ACYP2: variants seen among roughly 807,000 people sequenced by gnomAD.
ACYP2 encodes the protein acylphosphatase 2, also known as acylphosphatase-2.
ACYP2 carries 12 observed loss-of-function variants against 11.2 expected under a neutral mutation model. The observed-to-expected ratio is 1.08, with a 90% CI of 0.69 to 1.74. The LOEUF is 1.74. ACYP2 is among the 40% of genes most tolerant of loss of function. The pLI is 0.00. For synonymous variants in ACYP2, 43 were observed against 32.2 expected (o/e 1.33, Z -1.13); for missense variants, 134 against 101.9 (o/e 1.31, Z -1.35).
At chr2:54,129,137 C>T (rs530746280) in intron 4 of ACYP2, among the ~76,000 whole-genome samples, 2 of 152,100 alleles carry the variant, frequency 1.3e-5, no homozygotes, top group African/African-American at 4.8e-5. Flanking sequence ...CATGATGCAG[C>T]TAACATGATG....
At chr2:53,991,404 T>C (rs2104518755) in intron 2 of ACYP2, among the ~76,000 whole-genome samples, 1 of 150,610 alleles carries the variant, frequency 6.6e-6, no homozygotes, top group Admixed American at 6.6e-5. Flanking sequence ...TGTGTAACTT[T>C]TTTTTCTTTT....
At chr2:54,064,772 C>T (rs1676651256) in intron 4 of ACYP2, among the ~76,000 whole-genome samples, 1 of 152,108 alleles carries the variant, frequency 6.6e-6, no homozygotes, top group South Asian at 2.1e-4. Flanking sequence ...TTTCAGACTG[C>T]ATTAAGGAGG....
Position 54,224,977 on chromosome 2 carries a change from T to C in ACYP2, c.405-79711T>C, listed in dbSNP as rs541996726. Among the ~76,000 whole-genome samples the C allele has an allele frequency of 3.3e-5, 5 of 152,350 alleles. No homozygotes were observed. In the East Asian group the frequency reaches 9.6e-4, roughly 29 times the overall value. ...GTTGCTCTTAAATTCATTCCAGCAG[T>C]ATGGCTGGAAATGAATAATCTTCAA... On this transcript the variant is annotated intron_variant, in intron 6 of 6. Transcript: ENST00000607452.
At chr2:54,180,002 A>T (rs1683636898) in intron 6 of ACYP2, among the ~76,000 whole-genome samples, 1 of 152,126 alleles carries the variant, frequency 6.6e-6, no homozygotes, top group South Asian at 2.1e-4. Flanking sequence ...CTTCTGACCA[A>T]CTGACTGGCT....
At chr2:54,233,351 A>C (rs925863720) in intron 6 of ACYP2, among the ~76,000 whole-genome samples, 1 of 149,742 alleles carries the variant, frequency 6.7e-6, no homozygotes. Flanking sequence ...CTGTGGCCCA[A>C]GCTGGAGTGC....
At chr2:54,137,771 A>C (rs928291359) in intron 5 of ACYP2, among the ~76,000 whole-genome samples, 2 of 152,140 alleles carry the variant, frequency 1.3e-5, no homozygotes, top group African/African-American at 4.8e-5. Context: ...ATGATGAAAC[A>C]ATTTATATTC....
chr2:54,058,709 A>ATTTT (rs58430648), intron 4 of ACYP2, among the ~76,000 whole-genome samples: 2 of 135,298 alleles, frequency 1.5e-5, no homozygotes, highest in African/African-American at 2.7e-5. Flanking sequence ...CTGGCTGATA[A>ATTTT]TTTTTTTTTT....
chr2:54,267,804 G>A (rs1245424302), intron 6 of ACYP2, among the ~76,000 whole-genome samples: 1 of 151,670 alleles, frequency 6.6e-6, no homozygotes, highest in Non-Finnish European at 1.5e-5. Flanking sequence ...GGGGCAACAA[G>A]CAGAGTTATT....
chr2:54,113,942 G>C (rs985691023), intron 4 of ACYP2, among the ~76,000 whole-genome samples: 15 of 152,182 alleles, frequency 9.9e-5, no homozygotes, highest in African/African-American at 3.6e-4. Context: ...TGAACTGGGA[G>C]ATGGAAGAGT....
At chr2:54,189,806 C>T (rs1377929808) in intron 6 of ACYP2, among the ~76,000 whole-genome samples, 1 of 152,128 alleles carries the variant, frequency 6.6e-6, no homozygotes, top group African/African-American at 2.4e-5. Context: ...AATGGCTGCA[C>T]CAATCTTCAT....
chr2:54,284,368 C>T (rs1688988060), intron 6 of ACYP2, among the ~76,000 whole-genome samples: 2 of 152,168 alleles, frequency 1.3e-5, no homozygotes, highest in African/African-American at 4.8e-5. Flanking sequence ...CTGAGGTGGC[C>T]CTCAAGAGAA....
In ACYP2 at chr2:54,096,175, A is replaced by AG. The variant is rs1220385572; in HGVS notation, c.277+38819dup. ...CTCGGACGGGGCGGCTGCCGGGTGG[A>AG]GGGGCTCCTCACTTCTCAGACGGGG... is the stretch of plus-strand genomic sequence containing the variant. On this transcript the variant is annotated intron_variant, in intron 4 of 6. Transcript: ENST00000607452. 1.8e-4 allele frequency among the ~76,000 whole-genome samples: 25 copies of AG among 137,676 alleles called. No homozygotes were observed. In the East Asian group the frequency reaches 5.3e-3, roughly 29 times the overall value. 90.3% of individuals were successfully genotyped at this position (137,676 alleles called of 152,430 possible).
intron 4 of ACYP2, among the ~76,000 whole-genome samples, chr2:54,110,483 A>C (rs1187490761): frequency 6.6e-6 from 1 of 152,210 alleles, no homozygotes; most frequent in Non-Finnish European, 1.5e-5. Flanking sequence ...ATCAGGATCC[A>C]AACAAGGTAT....
intron 6 of ACYP2, among the ~76,000 whole-genome samples, chr2:54,153,724 C>G (rs530970802): frequency 6.6e-6 from 1 of 151,412 alleles, no homozygotes; most frequent in Non-Finnish European, 1.5e-5. Context: ...CTCAGCCTCT[C>G]GAGTGCCTGG....
At chr2:53,995,492 A>T (rs1297531076) in intron 2 of ACYP2, among the ~76,000 whole-genome samples, 1 of 140,914 alleles carries the variant, frequency 7.1e-6, no homozygotes, top group East Asian at 2.0e-4. Context: ...TTTATTTTTT[A>T]TTTATTTATT....
intron 6 of ACYP2, among the ~76,000 whole-genome samples, chr2:54,219,905 A>ATATATATATATATT (rs1288814375): frequency 1.3e-4 from 10 of 75,982 alleles, no homozygotes; most frequent in African/African-American, 4.5e-4. Flanking sequence ...ATATATATAT[A>ATATATATATATATT]TTTTTTTTTT....
chr2:54,232,626 G>C (rs1686286456), intron 6 of ACYP2, among the ~76,000 whole-genome samples: 1 of 152,100 alleles, frequency 6.6e-6, no homozygotes, highest in Non-Finnish European at 1.5e-5. Context: ...GCTTGAGACT[G>C]GGTAATTTAT....
chr2:54,284,043 G>A (rs1264567691), intron 6 of ACYP2, among the ~76,000 whole-genome samples: 1 of 152,104 alleles, frequency 6.6e-6, no homozygotes, highest in Admixed American at 6.5e-5. Context: ...CCCAGGAGGC[G>A]GAGGTTTCAG....
intron 6 of ACYP2, among the ~76,000 whole-genome samples, chr2:54,201,297 G>T (rs1558608012): frequency 6.6e-6 from 1 of 151,838 alleles, no homozygotes; most frequent in South Asian, 2.1e-4. Flanking sequence ...AGTAGAGATG[G>T]GGTTTCACCA....
Sources: gnomAD v4.1 joint callset for allele counts (sites outside exome capture counted in the v4.1 genomes callset) on GRCh38, gnomAD v4.1.1 for gene constraint, MANE v1.5 for transcripts, NCBI Gene and HGNC (gene_info 2026-07-23, HGNC 2026-07-21) for gene names.